PHACTR1: variants seen among roughly 807,000 people sequenced by gnomAD.
PHACTR1 encodes RPEL repeat containing 1.
In PHACTR1, 16 loss-of-function variants were observed where a neutral mutation model predicts 69.2. That is an observed-to-expected ratio of 0.23 (90% CI 0.16 to 0.35). PHACTR1 has a LOEUF of 0.35. Among genes scored for constraint, PHACTR1 ranks in the 10% least tolerant of loss-of-function variants. The pLI is 1.00. For missense variants in PHACTR1, 510 were observed against 734.7 expected (o/e 0.69, Z 3.54); for synonymous variants, 312 against 284.5 (o/e 1.10, Z -0.97).
chr6:13,077,225 T>C (rs7738606), intron 5 of PHACTR1, among the ~76,000 whole-genome samples: 69,858 of 151,294 alleles, frequency 0.46, 18,692 homozygotes, highest in East Asian at 0.83. Flanking sequence ...GTGTGGTTTA[T>C]GCATTCACTT....
At chr6:13,251,353 T>C (rs1774373552) in intron 10 of PHACTR1, among the ~76,000 whole-genome samples, 1 of 152,180 alleles carries the variant, frequency 6.6e-6, no homozygotes, top group African/African-American at 2.4e-5. Flanking sequence ...AGTTGGTTTG[T>C]CTGGTGCTCC....
chr6:13,210,960 A>G (rs1355983990), intron 8 of PHACTR1, among the ~76,000 whole-genome samples: 1 of 107,298 alleles, frequency 9.3e-6, no homozygotes, highest in Non-Finnish European at 1.8e-5. Flanking sequence ...TCAACTTTCC[A>G]TTCTAATAAA....
intron 4 of PHACTR1, among the ~76,000 whole-genome samples, chr6:12,932,890 A>G (rs1231396753): frequency 2.6e-5 from 4 of 151,346 alleles, no homozygotes; most frequent in Non-Finnish European, 5.9e-5. Flanking sequence ...TACCTTTGCT[A>G]TTATGTATCT....
At chr6:13,086,245 CATA>C (rs1812283405) in intron 5 of PHACTR1, among the ~76,000 whole-genome samples, 1 of 151,948 alleles carries the variant, frequency 6.6e-6, no homozygotes, top group Non-Finnish European at 1.5e-5. Context: ...TGCCTAAATG[CATA>C]CTAGTAGAAA....
chr6:13,023,272 T>C (rs555198852), intron 4 of PHACTR1, among the ~76,000 whole-genome samples: 6 of 152,280 alleles, frequency 3.9e-5, no homozygotes, highest in South Asian at 4.1e-4. Context: ...GGAGTATCTT[T>C]AGTGTTCCCA....
intron 5 of PHACTR1, among the ~76,000 whole-genome samples, chr6:13,058,607 C>G (rs1194571190): frequency 6.6e-6 from 1 of 152,132 alleles, no homozygotes; most frequent in Admixed American, 6.5e-5. Context: ...GGTAAAGTCT[C>G]ACCTGTGATA....
At chr6:12,973,916 A>ATTTTTTTTT (rs33948457) in intron 4 of PHACTR1, among the ~76,000 whole-genome samples, 18 of 92,846 alleles carry the variant, frequency 1.9e-4, no homozygotes, top group Non-Finnish European at 2.4e-4. Flanking sequence ...AGAGGCTGGG[A>ATTTTTTTTT]TTTTTTTTTT....
At chr6:12,917,195 A>C (rs988078574) in intron 4 of PHACTR1, among the ~76,000 whole-genome samples, 16 of 152,312 alleles carry the variant, frequency 1.1e-4, no homozygotes, top group African/African-American at 3.8e-4. Context: ...CAAGTTGTAC[A>C]CCAGTTTATG....
rs115765352 is a variant in PHACTR1, at chr6:13,285,468, C to T, written c.1651-678C>T. On this transcript the variant is annotated intron_variant, in intron 13 of 14. Transcript: ENST00000332995. ...AGGAAGGAGTGAGGTTGTCTCTGGC[C>T]CCAGCTGCCTTCTTTACCAGCCCCT... Among the ~76,000 whole-genome samples, 500 of 152,258 alleles carry T rather than the reference C, an allele frequency of 3.3e-3. 3 individuals are homozygous for T. The highest frequency in any genetic ancestry group is 0.012 in the African/African-American group (488 of 41,546).
chr6:13,172,840 A>C (rs1218858427), intron 6 of PHACTR1, among the ~76,000 whole-genome samples: 1 of 152,274 alleles, frequency 6.6e-6, no homozygotes, highest in Non-Finnish European at 1.5e-5. Context: ...AATCAATTAA[A>C]TTCTGAGAAT....
At chr6:12,722,489 G>C (rs1762250877) in intron 3 of PHACTR1, among the ~76,000 whole-genome samples, 1 of 152,184 alleles carries the variant, frequency 6.6e-6, no homozygotes, top group Non-Finnish European at 1.5e-5. Flanking sequence ...TTCTTGGAAA[G>C]TGGCAATAGC....
At chr6:12,979,038 T>G (rs1000004832) in intron 4 of PHACTR1, among the ~76,000 whole-genome samples, 2 of 152,124 alleles carry the variant, frequency 1.3e-5, no homozygotes, top group Non-Finnish European at 1.5e-5. Context: ...TCAAAATGAT[T>G]GTTGATTTTA....
intron 4 of PHACTR1, among the ~76,000 whole-genome samples, chr6:13,019,070 A>ATTT (rs10635069): frequency 4.3e-4 from 61 of 142,722 alleles, no homozygotes; most frequent in East Asian, 2.9e-3. Flanking sequence ...ATATATATAT[A>ATTT]TATATTTTTT....
chr6:13,286,951 G>A, intron 14 of PHACTR1, 112 bp from the exon 15 acceptor site: 1 of 1,160,334 alleles, frequency 8.6e-7, no homozygotes, highest in Non-Finnish European at 1.2e-6. Context: ...ACGGTGGGAA[G>A]CTCGCACCTC....
chr6:13,156,702 T>C (rs1018477337), intron 5 of PHACTR1, among the ~76,000 whole-genome samples: 1 of 152,226 alleles, frequency 6.6e-6, no homozygotes, highest in Admixed American at 6.5e-5. Context: ...ATCGAACTTG[T>C]CATGCATCCT....
chr6:13,243,190 T>C (rs1382240013), intron 10 of PHACTR1, among the ~76,000 whole-genome samples: 1 of 152,076 alleles, frequency 6.6e-6, no homozygotes, highest in Non-Finnish European at 1.5e-5. Flanking sequence ...GAGGTTTTTT[T>C]CCTCTTAAAC....
rs534725481 is a variant in PHACTR1, at chr6:13,063,299, G to A, written c.415+9770G>A. On this transcript the variant is annotated intron_variant, in intron 5 of 14. Transcript: ENST00000332995. The stretch of plus-strand genomic sequence containing the variant: ...AAGTGAAGTGATAAGAGATGCACAG[G>A]GGCTTTGAGAGCTTGAAGGAGACAA... Among the ~76,000 whole-genome samples the A allele has an allele frequency of 2.0e-5, 3 of 152,256 alleles. 1 individual carries two copies. The East Asian group carries it at 5.8e-4, about 29-fold the overall frequency.
chr6:13,028,291 T>A (rs565965820), intron 4 of PHACTR1, among the ~76,000 whole-genome samples: 1 of 152,344 alleles, frequency 6.6e-6, no homozygotes, highest in Admixed American at 6.5e-5. Context: ...CTGAGATTCC[T>A]TTGTGATTTG....
intron 6 of PHACTR1, among the ~76,000 whole-genome samples, chr6:13,178,878 C>T (rs1180742354): frequency 3.3e-5 from 5 of 152,160 alleles, no homozygotes; most frequent in South Asian, 2.1e-4. Flanking sequence ...AGGCAAGTTA[C>T]GTTCTTCCTG....
Sources: gnomAD v4.1 joint callset for allele counts (sites outside exome capture counted in the v4.1 genomes callset) on GRCh38, gnomAD v4.1.1 for gene constraint, MANE v1.5 for transcripts, NCBI Gene and HGNC (gene_info 2026-07-23, HGNC 2026-07-21) for gene names.